Variants in ADAMTS17 observed in about 807,000 individuals in gnomAD.
ADAMTS17 encodes A disintegrin and metalloproteinase with thrombospondin motifs 17.
ADAMTS17 carries 113 observed loss-of-function variants against 141.5 expected under a neutral mutation model. The ratio of observed to expected loss-of-function variants is 0.80; its 90% CI spans 0.69 to 0.93. The LOEUF (loss-of-function observed/expected upper bound fraction) is 0.93. ADAMTS17 is among the 40% of genes least tolerant of loss of function. ADAMTS17 has a pLI of 0.00. For missense variants in ADAMTS17, 1,659 were observed against 1,517.9 expected, an observed-to-expected ratio of 1.09 and a Z score of -1.54; for synonymous variants, 768 against 630.6, an observed-to-expected ratio of 1.22 and a Z score of -3.27.
At chr15:100,084,469 C>G (rs897561352) in intron 15 of ADAMTS17, among the ~76,000 whole-genome samples, 2 of 152,240 alleles carry the variant, frequency 1.3e-5, no homozygotes, top group African/African-American at 4.8e-5. Context: ...TTAAATGTCC[C>G]TTTCTGACAG....
chr15:100,068,574 C>A (rs568254759), intron 15 of ADAMTS17, among the ~76,000 whole-genome samples: 2 of 152,212 alleles, frequency 1.3e-5, no homozygotes, highest in Admixed American at 6.5e-5. Flanking sequence ...AACGATCAGG[C>A]AGCAACATCT....
At chr15:100,227,444 C>A (rs2042345689) in intron 7 of ADAMTS17, among the ~76,000 whole-genome samples, 1 of 152,198 alleles carries the variant, frequency 6.6e-6, no homozygotes, top group Non-Finnish European at 1.5e-5. Flanking sequence ...CTTTATCTCC[C>A]CTAAATGACT....
chr15:100,091,780 G>T (rs1397245144), intron 15 of ADAMTS17, among the ~76,000 whole-genome samples: 1 of 152,178 alleles, frequency 6.6e-6, no homozygotes, highest in African/African-American at 2.4e-5. Context: ...TGAAATCAGA[G>T]TTCTTTTTTT....
chr15:100,110,156 A>G (rs975715140), intron 13 of ADAMTS17, among the ~76,000 whole-genome samples: 5 of 122,658 alleles, frequency 4.1e-5, no homozygotes, highest in Non-Finnish European at 8.2e-5. Context: ...CCTGGCTCAC[A>G]GAAAGACTCA....
intron 3 of ADAMTS17, among the ~76,000 whole-genome samples, chr15:100,317,651 G>T (rs922018647): frequency 6.6e-6 from 1 of 152,204 alleles, no homozygotes; most frequent in Non-Finnish European, 1.5e-5. Context: ...AGCATTTTGG[G>T]GGGGACAACA....
intron 18 of ADAMTS17, among the ~76,000 whole-genome samples, chr15:100,018,031 C>A (rs928078391): frequency 1.3e-5 from 2 of 152,130 alleles, no homozygotes; most frequent in Non-Finnish European, 2.9e-5. Context: ...TTTCATCTTC[C>A]TACACTGAAA....
chr15:100,106,043 C>T (rs1310286138), intron 14 of ADAMTS17, among the ~76,000 whole-genome samples: 1 of 151,934 alleles, frequency 6.6e-6, no homozygotes, highest in East Asian at 1.9e-4. Context: ...GTCACGTAGG[C>T]TGGAGTGCAG....
chr15:100,085,870 T>G (rs1443766925), intron 15 of ADAMTS17, among the ~76,000 whole-genome samples: 2 of 151,988 alleles, frequency 1.3e-5, no homozygotes, highest in Non-Finnish European at 2.9e-5. Context: ...AAGGAACAAC[T>G]GGTAACAGCC....
chr15:100,254,872 C>T (rs2043272786), intron 6 of ADAMTS17, among the ~76,000 whole-genome samples: 1 of 152,160 alleles, frequency 6.6e-6, no homozygotes, highest in African/African-American at 2.4e-5. Flanking sequence ...AGAGGGACAG[C>T]ATGAGGAAGA....
intron 18 of ADAMTS17, among the ~76,000 whole-genome samples, chr15:100,035,644 A>G (rs1384421061): frequency 6.6e-6 from 1 of 152,116 alleles, no homozygotes; most frequent in African/African-American, 2.4e-5. Flanking sequence ...TCTCGGGGCT[A>G]GCTTGGGGCC....
Position 100,121,381 on chromosome 15 carries a change from A to T in ADAMTS17, c.1722-4368T>A, listed in dbSNP as rs796848512. 6.6e-5 allele frequency among the ~76,000 whole-genome samples: 10 copies of T among 152,320 alleles called. 1 individual carries two copies. Among genetic ancestry groups the T allele is most frequent in the Admixed American group, 2.0e-4 (3 of 15,294 alleles). On this transcript the variant is annotated intron_variant, in intron 12 of 21. Transcript: ENST00000268070. ...GAGAAATTCCAAGTAGGATACAAGGACCCATACTAAGACACATTGTAATTA... is the reference window on the plus strand; with the variant it reads ...GAGAAATTCCAAGTAGGATACAAGGTCCCATACTAAGACACATTGTAATTA...
chr15:99,981,122 T>A (rs1398535422), intron 20 of ADAMTS17, among the ~76,000 whole-genome samples: 1 of 152,192 alleles, frequency 6.6e-6, no homozygotes, highest in Non-Finnish European at 1.5e-5. Flanking sequence ...TCCACCCTCC[T>A]ATGTGAATAA....
Position 100,341,906 on chromosome 15 carries a change from C to G in ADAMTS17, c.-7G>C. ...GCAGGGCGCCGTCACACATGGTACC[C>G]GGGACCGGCAGCCCCCCCGGACCGT... is the stretch of plus-strand genomic sequence containing the variant. On this transcript the variant is annotated 5_prime_UTR_variant, in exon 1 of 22. Coordinates refer to ENST00000268070, the MANE Select transcript of ADAMTS17 (RefSeq NM_139057.4). 1 of 1,546,704 alleles carries G rather than the reference C, an allele frequency of 6.5e-7. No individual in the cohort carries two copies. Among genetic ancestry groups the G allele is most frequent in the South Asian group, 1.2e-5 (1 of 83,934 alleles).
At chr15:100,165,907 G>T (rs1420719620) in intron 8 of ADAMTS17, among the ~76,000 whole-genome samples, 2 of 151,692 alleles carry the variant, frequency 1.3e-5, no homozygotes, top group African/African-American at 4.8e-5. Flanking sequence ...TTTTTTTCCA[G>T]AATGGCCTTG....
At chr15:100,208,645 A>T (rs2041672752) in intron 7 of ADAMTS17, among the ~76,000 whole-genome samples, 1 of 152,210 alleles carries the variant, frequency 6.6e-6, no homozygotes, top group Non-Finnish European at 1.5e-5. Context: ...AAAGCTCATG[A>T]GTTTACAAAT....
At chr15:100,146,379 A>C (rs2038904317) in intron 10 of ADAMTS17, among the ~76,000 whole-genome samples, 1 of 152,208 alleles carries the variant, frequency 6.6e-6, no homozygotes, top group Non-Finnish European at 1.5e-5. Flanking sequence ...CTTTACTGCA[A>C]TCTCTAAACA....
chr15:100,247,503 G>A (rs569983758), intron 7 of ADAMTS17, among the ~76,000 whole-genome samples: 20 of 152,254 alleles, frequency 1.3e-4, no homozygotes, highest in African/African-American at 4.3e-4. Context: ...TCCCCAGAGG[G>A]CTCTACACAC....
intron 18 of ADAMTS17, among the ~76,000 whole-genome samples, chr15:100,041,689 G>T (rs929285290): frequency 2.6e-5 from 4 of 152,158 alleles, no homozygotes; most frequent in African/African-American, 9.7e-5. Flanking sequence ...GAGATGCTGG[G>T]GAGACGCCAT....
chr15:100,201,295 G>C (rs965588136), intron 7 of ADAMTS17, among the ~76,000 whole-genome samples: 2 of 152,150 alleles, frequency 1.3e-5, no homozygotes, highest in Non-Finnish European at 2.9e-5. Context: ...GTTCTCATGA[G>C]AGCTGATGGT....
Sources: allele counts gnomAD v4.1 joint callset (sites outside exome capture counted in the v4.1 genomes callset), GRCh38; gene constraint gnomAD v4.1.1; transcripts MANE v1.5; gene names NCBI Gene and HGNC (gene_info 2026-07-23, HGNC 2026-07-21).